SLC1A4: variants seen among roughly 807,000 people sequenced by gnomAD.
The protein encoded by SLC1A4 is neutral amino acid transporter A.
A neutral mutation model predicts 37.7 loss-of-function variants in SLC1A4; 19 were observed. That is an observed-to-expected ratio of 0.50 (90% confidence interval 0.35 to 0.74). The LOEUF (loss-of-function observed/expected upper bound fraction) is 0.74, where lower values mean the gene tolerates loss of function less well. SLC1A4 is among the 30% of genes least tolerant of loss of function. The pLI is 0.01. For synonymous variants in SLC1A4, 299 were observed against 309.8 expected, an observed-to-expected ratio of 0.97 and a Z score of 0.37; for missense variants, 570 against 712.9, an observed-to-expected ratio of 0.80 and a Z score of 2.28.
intron 1 of SLC1A4, chr2:65,001,056 C>T: frequency 5.8e-6 from 1 of 172,846 alleles, no homozygotes; most frequent in South Asian, 1.5e-4. Context: ...TCAAGGAGTA[C>T]CATGAGAGAG....
intron 3 of SLC1A4, among the ~76,000 whole-genome samples, chr2:65,005,639 T>A (rs912566334): frequency 1.3e-5 from 2 of 152,196 alleles, no homozygotes; most frequent in Non-Finnish European, 2.9e-5. Context: ...ACCCCCACTA[T>A]AAATTACTTG....
At chr2:64,992,179 G>A (rs1673084018) in intron 1 of SLC1A4, among the ~76,000 whole-genome samples, 4 of 152,232 alleles carry the variant, frequency 2.6e-5, no homozygotes, top group Non-Finnish European at 5.9e-5. Context: ...GTGGCCCAGG[G>A]AGGGAGAATG....
intron 5 of SLC1A4, among the ~76,000 whole-genome samples, chr2:65,017,529 T>C (rs1674198577): frequency 6.6e-6 from 1 of 151,154 alleles, no homozygotes; most frequent in Non-Finnish European, 1.5e-5. Context: ...AGGAAGTTCC[T>C]CTGGCCTAGA....
intron 1 of SLC1A4, among the ~76,000 whole-genome samples, chr2:64,998,854 C>CG (rs1470256925): frequency 6.6e-6 from 1 of 152,114 alleles, no homozygotes; most frequent in South Asian, 2.1e-4. Flanking sequence ...AGGTATTTGC[C>CG]GGGGGAAATT....
Position 65,018,266 on chromosome 2 carries a change from G to A in SLC1A4, c.1229+1G>A, listed in dbSNP as rs751546336. 6.2e-7 allele frequency: 1 copy of A among 1,610,656 alleles called. No homozygotes were observed. ...ACGCAGGACAGATTTTCACCATTCT[G>A]TAAGTTCCTCATTCTTTCCCTGGCT... On this transcript the variant is annotated splice_donor_variant, in intron 6 of 7. Transcript: ENST00000234256. LOFTEE classifies it high-confidence loss of function. This position sits in a 1 kb window ranked among gnomAD's most constrained non-coding sequence, Gnocchi z 4.3.
At chr2:65,016,755 G>A in intron 5 of SLC1A4, 82 bp downstream of exon 5, 1 of 878,210 alleles carries the variant, frequency 1.1e-6, no homozygotes, top group Non-Finnish European at 1.9e-6. Flanking sequence ...TGCACAACCA[G>A]TGTCTTGACA....
Position 65,012,886 on chromosome 2 carries a change from CAATTA to C in SLC1A4, c.800+2133_800+2137del, listed in dbSNP as rs567047585. On this transcript the variant is annotated intron_variant, in intron 4 of 7. Coordinates refer to ENST00000234256, the MANE Select transcript of SLC1A4 (RefSeq NM_003038.5). The stretch of plus-strand genomic sequence containing the variant: ...AGGCCCTATCTCTACAAAATATAAA[CAATTA>C]AATTAAATTTAAAAGTAAAAAAACT... Among the ~76,000 whole-genome samples the C allele has an allele frequency of 7.9e-5, 12 of 152,226 alleles. No homozygotes were observed. In the East Asian group the frequency reaches 1.5e-3, roughly 20 times the overall value.
chr2:65,011,791 C>T (rs529283215), intron 4 of SLC1A4, among the ~76,000 whole-genome samples: 15 of 152,078 alleles, frequency 9.9e-5, no homozygotes, highest in African/African-American at 2.7e-4. Flanking sequence ...TTCTTTGAGA[C>T]GGAGCCTCTC....
upstream of SLC1A4, among the ~76,000 whole-genome samples, chr2:64,989,117 G>T (rs1173814773): frequency 6.6e-6 from 1 of 152,000 alleles, no homozygotes; most frequent in African/African-American, 2.4e-5. Flanking sequence ...GCCGGCCTCC[G>T]TTAGCCGGGC....
chr2:65,012,601 A>G (rs899824152), intron 4 of SLC1A4, among the ~76,000 whole-genome samples: 5 of 152,360 alleles, frequency 3.3e-5, no homozygotes, highest in African/African-American at 1.2e-4. Flanking sequence ...GCCTGACTCT[A>G]TCACTGCCAA....
chr2:65,013,111 G>C (rs932177553), intron 4 of SLC1A4, among the ~76,000 whole-genome samples: 3 of 152,188 alleles, frequency 2.0e-5, no homozygotes, highest in Non-Finnish European at 2.9e-5. Flanking sequence ...AGAGCAGGAG[G>C]AAGAAAGACA....
chr2:64,989,018 G>A (rs976020822), upstream of SLC1A4, among the ~76,000 whole-genome samples: 2 of 152,160 alleles, frequency 1.3e-5, no homozygotes, highest in East Asian at 1.9e-4. Flanking sequence ...TGGCCCCGAG[G>A]ACTCAGATCC....
chr2:65,002,977 A>G (rs192001430), intron 2 of SLC1A4, among the ~76,000 whole-genome samples: 129 of 152,226 alleles, frequency 8.5e-4, no homozygotes, highest in African/African-American at 3.0e-3. Context: ...TTTCTACTTA[A>G]ACCTCTCATT....
chr2:65,015,590 A>G (rs889225991), intron 4 of SLC1A4, among the ~76,000 whole-genome samples: 1 of 152,164 alleles, frequency 6.6e-6, no homozygotes, highest in Non-Finnish European at 1.5e-5. Context: ...CGGGTTTTTA[A>G]TTAATAATTA....
rs955016511 is a variant in SLC1A4, at chr2:64,990,343, C to A, written c.527+173C>A. ...GACGTCTGGAGTTTTTGCGTGCTGA[C>A]CACACCTTTGCAAACAGCTGGGGCG... On this transcript the variant is annotated intron_variant, in intron 1 of 7. Coordinates refer to ENST00000234256, the MANE Select transcript of SLC1A4 (RefSeq NM_003038.5). 2.6e-5 allele frequency among the ~76,000 whole-genome samples: 4 copies of A among 152,294 alleles called. No individual in the cohort carries two copies. In the South Asian group the frequency reaches 6.2e-4, roughly 24 times the overall value.
intron 4 of SLC1A4, among the ~76,000 whole-genome samples, chr2:65,014,544 A>G (rs2103671793): frequency 6.6e-6 from 1 of 152,322 alleles, no homozygotes; most frequent in South Asian, 2.1e-4. Context: ...TGATGCCACT[A>G]GCACCATGCC....
At chr2:65,016,787 C>G (rs1278572043) in intron 5 of SLC1A4, 114 bp downstream of exon 5, 1 of 708,034 alleles carries the variant, frequency 1.4e-6, no homozygotes, top group African/African-American at 1.8e-5. Context: ...CTGGAAAACT[C>G]TAAATCGGTC....
Position 65,018,398 on chromosome 2 carries a change from G to A in SLC1A4, c.1229+133G>A, listed in dbSNP as rs577987076. On this transcript the variant is annotated intron_variant, in intron 6 of 7. Transcript: ENST00000234256. This position sits in a 1 kb window ranked among gnomAD's most constrained non-coding sequence, Gnocchi z 4.3. ...AGTGGGGATTCATTACTTGAAGAGCGTGTGTTGACTCTCAAGGGCGTAGCC... is the reference window on the plus strand; with the variant it reads ...AGTGGGGATTCATTACTTGAAGAGCATGTGTTGACTCTCAAGGGCGTAGCC... The A allele has an allele frequency of 2.4e-4, 327 of 1,370,358 alleles. 2 individuals carry two copies. The South Asian group carries it at 3.1e-3, about 13-fold the overall frequency. The allele number at this position is 1,370,358 out of a possible 1,614,324, so 84.9% of individuals were successfully genotyped here. A position where few individuals can be genotyped will look rare whatever the true frequency, so the allele number is the denominator to read the frequency against.
chr2:65,021,460 G>C lies in SLC1A4; in HGVS notation c.*314G>C, dbSNP rs1185861609. The C allele has an allele frequency of 8.3e-6, 3 of 360,916 alleles. No individual in the cohort carries two copies. Among genetic ancestry groups the C allele is most frequent in the Non-Finnish European group, 1.5e-5 (3 of 197,136 alleles). The allele number at this position is 360,916 out of a possible 1,614,324, so 22.4% of individuals were successfully genotyped here. ...AGAAATCATGGACTCACAGGGTCCT[G>C]TGTGGTTACATCTTGGAAAAAATGC... On this transcript the variant is annotated 3_prime_UTR_variant, in exon 8 of 8. Transcript: ENST00000234256.
Sources: gnomAD v4.1 joint callset for allele counts (sites outside exome capture counted in the v4.1 genomes callset) on GRCh38, gnomAD v4.1.1 for gene constraint, Gnocchi (gnomAD v3.1) non-coding constraint, MANE v1.5 for transcripts, NCBI Gene and HGNC (gene_info 2026-07-23, HGNC 2026-07-21) for gene names.